HIP1R: variants seen among roughly 807,000 people sequenced by gnomAD.
HIP1R encodes the protein huntingtin interacting protein 1 related, also known as huntingtin-interacting protein 1-related protein.
A neutral mutation model predicts 144.2 loss-of-function variants in HIP1R; 135 were observed. The observed-to-expected ratio is 0.94, with a 90% confidence interval of 0.81 to 1.08. The LOEUF is 1.08. Among genes scored for constraint, HIP1R ranks in the 50% least tolerant of loss-of-function variants. The pLI is 0.00. For missense variants in HIP1R, 1,462 were observed against 1,432.8 expected (o/e 1.02, Z -0.33); for synonymous variants, 698 against 612.8 (o/e 1.14, Z -2.05).
At position 122,856,138 on chromosome 12, in the gene HIP1R, C is replaced by T. The variant is rs1372067669; in HGVS notation, c.1287C>T (p.Ser429=). 3 of 1,594,146 alleles carry T rather than the reference C, an allele frequency of 1.9e-6. No individual in the cohort carries two copies. The highest frequency in any genetic ancestry group is 8.5e-7 in the Non-Finnish European group (1 of 1,170,874). ...CTGCCCAGCTGGAGGGCGAGCGGAG[C>T]CAGGGCCTGCGTGAGGAGGCTGAGA... ...LRAAQLEGER[S]QGLREEAERK... The change falls in exon 14 of 32, where the codon AGC becomes AGT. Residue 429 remains serine (S), a synonymous_variant. Transcript: ENST00000253083.
At chr12:122,859,944 C>T (rs1476716744) in intron 24 of HIP1R, 103 bp from the exon 25 acceptor site, 3 of 1,456,260 alleles carry the variant, frequency 2.1e-6, no homozygotes, top group Non-Finnish European at 2.8e-6. Flanking sequence ...TCAGAGCAGA[C>T]ACTCCCTCCC....
Position 122,856,328 on chromosome 12 carries a change from C to G in HIP1R, c.1385C>G (p.Ala462Gly). ...EKHSELVHVHAELLRKNADTA... is the reference protein window; with the variant it reads ...EKHSELVHVHGELLRKNADTA... ...CACAGTGAGCTCGTCCATGTGCACG[C>G]GGAGCTGCTCAGAAAGGTAGGTGCA... Residue 462 changes from alanine (A) to glycine (G), a missense_variant, in exon 15 of 32, where the codon GCG becomes GGG. By Grantham distance (60) the Ala-to-Gly change is moderately conservative. This residue lies in a region of HIP1R where 1,112 missense variants were observed against 1,011.7 expected (regional missense o/e 1.10). Transcript: ENST00000253083. The G allele has an allele frequency of 1.2e-6, 2 of 1,613,844 alleles. No homozygotes were observed. Among genetic ancestry groups the G allele is most frequent in the Non-Finnish European group, 1.7e-6 (2 of 1,179,982 alleles).
In HIP1R at chr12:122,858,212, G is replaced by A; in HGVS notation, c.1926G>A (p.Leu642=). Residue 642 remains leucine (L), a synonymous_variant, in exon 19 of 32, where the codon CTG becomes CTA. Transcript: ENST00000253083. ...AGILQDAVSK[L]DDPLHLRCTS... ...TCCTGCAGGATGCCGTGAGCAAGCT[G>A]GACGACCCCCTGCACCTGCGCTGTA... is the stretch of plus-strand genomic sequence containing the variant. 2 of 1,607,362 alleles carry A rather than the reference G, an allele frequency of 1.2e-6. No individual in the cohort carries two copies. Among genetic ancestry groups the A allele is most frequent in the South Asian group, 1.1e-5 (1 of 90,656 alleles).
rs1391293643 is a variant in HIP1R, at chr12:122,854,048, C to T, written c.583C>T (p.Arg195Ter). The T allele has an allele frequency of 3.1e-6, 5 of 1,613,400 alleles. No homozygotes were observed. The highest frequency in any genetic ancestry group is 1.7e-5 in the Admixed American group (1 of 59,930). Residue 195 changes from arginine to a stop codon, truncating the protein, a stop_gained, in exon 8 of 32, where the codon CGA becomes TGA. Coordinates refer to ENST00000253083, the MANE Select transcript of HIP1R (RefSeq NM_003959.3). LOFTEE classifies it high-confidence loss of function. The stretch of plus-strand genomic sequence containing the variant: ...CTCCTGCCCCTTTTGCACAGTTTTC[C>T]GACAGCTCAACACGGCCATCGCCGT... The part of the protein sequence containing the change: ...CELKLSESVF[R>*]QLNTAIAVSQ...
rs1008641286 is a variant in HIP1R at position 122,862,080 on chromosome 12, G to C, written c.*327G>C. On this transcript the variant is annotated 3_prime_UTR_variant, in exon 32 of 32. Transcript: ENST00000253083. ...ATAGTGTTTTTAATATTCCGAGCTA[G>C]AGCTCTTCTTCCTACGTTTGTAGTC... is the stretch of plus-strand genomic sequence containing the variant. 3 of 313,400 alleles carry C rather than the reference G, an allele frequency of 9.6e-6. No individual in the cohort carries two copies. In the South Asian group the frequency reaches 2.1e-4, roughly 22 times the overall value. 19.4% of individuals were successfully genotyped at this position (313,400 alleles called of 1,614,324 possible).
intron 1 of HIP1R, among the ~76,000 whole-genome samples, chr12:122,846,225 G>A (rs2033209143): frequency 6.6e-6 from 1 of 152,148 alleles, no homozygotes; most frequent in African/African-American, 2.4e-5. Context: ...AACTGCCTGG[G>A]GGCTGTTCAG....
At chr12:122,852,101 C>G (rs911722702) in intron 7 of HIP1R, among the ~76,000 whole-genome samples, 7 of 152,222 alleles carry the variant, frequency 4.6e-5, no homozygotes, top group Admixed American at 3.3e-4. Context: ...AGCTTCAAAA[C>G]AACTCATGGG....
chr12:122,838,342 TCAAAA>T (rs1335012305), intron 1 of HIP1R, among the ~76,000 whole-genome samples: 1 of 152,092 alleles, frequency 6.6e-6, no homozygotes, highest in African/African-American at 2.4e-5. Context: ...AAAATCCTTT[TCAAAA>T]TGGAGGTGAC....
rs11060273 is a variant in HIP1R at position 122,837,397 on chromosome 12, C to T, written c.93+1754C>T. ...GCAATGGCATGATCTCAGCTCGCTG[C>T]AACCTCCGCCTCCCGGGTTCAAGTG... is the stretch of plus-strand genomic sequence containing the variant. On this transcript the variant is annotated intron_variant, in intron 1 of 31. Transcript: ENST00000253083. 4.7e-3 allele frequency among the ~76,000 whole-genome samples: 717 copies of T among 151,930 alleles called. 20 individuals carry two copies. The highest frequency in any genetic ancestry group is 0.042 in the Admixed American group (640 of 15,262).
In HIP1R at chr12:122,860,198, G is replaced by A; in HGVS notation, c.2547G>A (p.Val849=). The A allele has an allele frequency of 6.4e-7, 1 of 1,564,050 alleles. No homozygotes were observed. Among genetic ancestry groups the A allele is most frequent in the Non-Finnish European group, 8.6e-7 (1 of 1,156,164 alleles). ...TTSTSLQKEI[V]ESGRGAATQQ... ...CCACTAGCCTGCAGAAGGAGATCGT[G>A]GAGAGCGGCAGGGTGAGGGGCCGGC... Residue 849 remains valine (V), a synonymous_variant, in exon 26 of 32, where the codon GTG becomes GTA. Coordinates refer to ENST00000253083, the MANE Select transcript of HIP1R (RefSeq NM_003959.3).
intron 1 of HIP1R, among the ~76,000 whole-genome samples, chr12:122,841,704 C>T (rs2033064936): frequency 1.3e-5 from 2 of 152,238 alleles, no homozygotes; most frequent in South Asian, 4.1e-4. Context: ...GGAGTGATGT[C>T]ACCAGGGCCC....
intron 1 of HIP1R, 27 bp from the exon 2 acceptor site, chr12:122,848,004 T>C (rs767469611): frequency 1.2e-6 from 2 of 1,612,892 alleles, no homozygotes. Context: ...CCTGGGGCTC[T>C]AAACACTGCT....
intron 27 of HIP1R, 23 bp from the exon 28 acceptor site, chr12:122,860,656 C>T: frequency 6.2e-7 from 1 of 1,604,512 alleles, no homozygotes; most frequent in South Asian, 1.1e-5. Flanking sequence ...AGACCCTGGC[C>T]CTGACTGGCC....
Position 122,855,531 on chromosome 12 carries a change from A to G in HIP1R, c.994-20A>G, listed in dbSNP as rs1416371120. The G allele has an allele frequency of 3.2e-6, 5 of 1,549,320 alleles. No individual in the cohort carries two copies. Among genetic ancestry groups the G allele is most frequent in the Admixed American group, 3.9e-5 (2 of 50,992 alleles). On this transcript the variant is annotated intron_variant, in intron 11 of 31. Transcript: ENST00000253083. ...CTGGAGGGCACAGGTGAGTGGGGTCACCATGCTTTGCTGTGGCAGGTGGTG... is the reference window on the plus strand; with the variant it reads ...CTGGAGGGCACAGGTGAGTGGGGTCGCCATGCTTTGCTGTGGCAGGTGGTG...
intron 8 of HIP1R, 126 bp downstream of exon 8, chr12:122,854,309 T>G: frequency 3.9e-6 from 2 of 519,218 alleles, no homozygotes; most frequent in Non-Finnish European, 6.1e-6. Context: ...ATAAACCCAC[T>G]GCCCATTAAT....
chr12:122,845,804 C>G lies in HIP1R; in HGVS notation c.94-2227C>G, dbSNP rs376530574. Among the ~76,000 whole-genome samples, 13 of 152,266 alleles carry G rather than the reference C, an allele frequency of 8.5e-5. No individual in the cohort carries two copies. In the East Asian group the frequency reaches 1.4e-3, roughly 16 times the overall value. On this transcript the variant is annotated intron_variant, in intron 1 of 31. Transcript: ENST00000253083. ...CCGGGTGCGGGGAGCTGGAGCTCTG[C>G]TGAGTGGGCATCTGGAGCCTAGGGC... is the stretch of plus-strand genomic sequence containing the variant.
Position 122,859,813 on chromosome 12 carries a change from G to A in HIP1R, c.2448G>A (p.Lys816=), listed in dbSNP as rs1427009925. Residue 816 remains lysine (K), a synonymous_variant, in exon 24 of 32, where the codon AAG becomes AAA. Coordinates refer to ENST00000253083, the MANE Select transcript of HIP1R (RefSeq NM_003959.3). The part of the protein sequence containing the change: ...NQARHASSGV[K]LEVNERILNS... ...CACGCCACGCCAGCTCGGGGGTGAA[G>A]CTGGAGGTGAACGAGAGGTGAGCCC... is the stretch of plus-strand genomic sequence containing the variant. 6.2e-7 allele frequency: 1 copy of A among 1,612,840 alleles called. No homozygotes were observed. Among genetic ancestry groups the A allele is most frequent in the South Asian group, 1.1e-5 (1 of 91,020 alleles).
chr12:122,856,978 T>C, intron 17 of HIP1R, 43 bp from the exon 18 acceptor site: 1 of 1,534,872 alleles, frequency 6.5e-7, no homozygotes, highest in Non-Finnish European at 8.8e-7. Context: ...GGGTGGGGCC[T>C]GGGAGCTCTG....
chr12:122,842,728 T>A (rs1323316173), intron 1 of HIP1R, among the ~76,000 whole-genome samples: 5 of 152,170 alleles, frequency 3.3e-5, no homozygotes, highest in Non-Finnish European at 7.3e-5. Context: ...GGACTCCACA[T>A]CAGGCCTGGG....
Sources: allele counts gnomAD v4.1 joint callset (sites outside exome capture counted in the v4.1 genomes callset), GRCh38; gene constraint gnomAD v4.1.1; regional missense constraint gnomAD v4.1.1; transcripts MANE v1.5; gene names NCBI Gene and HGNC (gene_info 2026-07-23, HGNC 2026-07-21).